Variants in PPP3CB observed in about 807,000 individuals in gnomAD.
PPP3CB encodes the protein protein phosphatase 3 catalytic subunit beta, also known as serine/threonine-protein phosphatase 2B catalytic subunit beta isoform.
In PPP3CB, 8 loss-of-function variants were observed where a neutral mutation model predicts 66.4. The observed-to-expected ratio is 0.12, with a 90% confidence interval of 0.07 to 0.22. The LOEUF is 0.22. Ranked by LOEUF, PPP3CB falls within the 10% of genes least tolerant of loss-of-function variation. The pLI is 1.00. For synonymous variants in PPP3CB, 208 were observed against 221.2 expected (o/e 0.94, Z 0.53); for missense variants, 319 against 642.5 (o/e 0.50, Z 5.44).
chr10:73,443,747 G>T (rs4745715), intron 12 of PPP3CB: 6 of 152,122 alleles, frequency 3.9e-5, no homozygotes, highest in Non-Finnish European at 7.4e-5. Flanking sequence ...GCCAAAAAAA[G>T]TTTTTTAAGT....
At chr10:73,444,058 C>T (rs1004014174) in intron 12 of PPP3CB, 1 of 152,398 alleles carries the variant, frequency 6.6e-6, no homozygotes, top group African/African-American at 2.4e-5. Flanking sequence ...ATACAGCTAA[C>T]CTAAAGAAAG....
intron 8 of PPP3CB, among the ~76,000 whole-genome samples, chr10:73,468,894 A>G (rs1211970701): frequency 6.6e-6 from 1 of 152,208 alleles, no homozygotes; most frequent in Non-Finnish European, 1.5e-5. Context: ...GATCTTTTGT[A>G]AGGGATAAAA....
chr10:73,470,409 G>A (rs990514724), intron 8 of PPP3CB, among the ~76,000 whole-genome samples: 5 of 152,122 alleles, frequency 3.3e-5, no homozygotes, highest in Non-Finnish European at 7.4e-5. Flanking sequence ...AGAAAGGGGA[G>A]TTTGAGAAAA....
Position 73,467,693 on chromosome 10 carries a change from G to T in PPP3CB, c.983-15C>A. 1 of 1,524,392 alleles carries T rather than the reference G, an allele frequency of 6.6e-7. No homozygotes were observed. The highest frequency in any genetic ancestry group is 1.2e-5 in the South Asian group (1 of 81,496). 94.4% of individuals were successfully genotyped at this position (1,524,392 alleles called of 1,614,324 possible). A position where few individuals can be genotyped will look rare whatever the true frequency, so the allele number is the denominator to read the frequency against. On this transcript the variant is annotated splice_polypyrimidine_tract_variant and intron_variant, in intron 8 of 13. Coordinates refer to ENST00000360663, the MANE Select transcript of PPP3CB (RefSeq NM_021132.4). ...TAATACAGCAGCTGCAAGATAAGTT[G>T]AACATCAATAACTTAATAGATAAGT...
intron 10 of PPP3CB, among the ~76,000 whole-genome samples, chr10:73,452,028 G>T (rs1238420824): frequency 6.6e-6 from 1 of 151,282 alleles, no homozygotes; most frequent in African/African-American, 2.4e-5. Context: ...TTACAGGCGT[G>T]AGCCACCACA....
intron 9 of PPP3CB, among the ~76,000 whole-genome samples, chr10:73,455,912 A>G (rs535793586): frequency 2.6e-5 from 4 of 152,264 alleles, no homozygotes; most frequent in African/African-American, 7.2e-5. Context: ...TGTTTCCCCT[A>G]CTAGAATGAA....
intron 9 of PPP3CB, among the ~76,000 whole-genome samples, chr10:73,462,020 A>G (rs2056529307): frequency 6.6e-6 from 1 of 152,066 alleles, no homozygotes; most frequent in African/African-American, 2.4e-5. Flanking sequence ...CACCACGTGA[A>G]GTGCCTGCTC....
At position 73,479,450 on chromosome 10, in the gene PPP3CB, C is replaced by T. The variant is rs1214922517; in HGVS notation, c.153G>A (p.Arg51=). 8 of 1,614,092 alleles carry T rather than the reference C, an allele frequency of 5.0e-6. No individual in the cohort carries two copies. Among genetic ancestry groups the T allele is most frequent in the Non-Finnish European group, 6.8e-6 (8 of 1,179,990 alleles). The change falls in exon 2 of 14, where the codon AGG becomes AGA. Residue 51 remains arginine (R), a synonymous_variant. Transcript: ENST00000360663. The stretch of plus-strand genomic sequence containing the variant: ...CCAAGTGGTTCTTCAGAACATCAAC[C>T]CTGGGTATCCCATCCAAATCAAATA... The part of the protein sequence containing the change: ...EEVFDLDGIP[R]VDVLKNHLVK...
chr10:73,484,340 G>A (rs1384192221), intron 1 of PPP3CB, among the ~76,000 whole-genome samples: 1 of 151,498 alleles, frequency 6.6e-6, no homozygotes, highest in Non-Finnish European at 1.5e-5. Context: ...CGCAATCTCT[G>A]CTCACTGCAA....
intron 1 of PPP3CB, among the ~76,000 whole-genome samples, chr10:73,480,549 A>G (rs1338874122): frequency 1.4e-5 from 2 of 143,058 alleles, no homozygotes; most frequent in Non-Finnish European, 3.0e-5. Flanking sequence ...GGTTCAAGGG[A>G]TTCTCCTGCC....
At chr10:73,495,711 T>C in intron 1 of PPP3CB, 94 bp downstream of exon 1, 1 of 1,469,482 alleles carries the variant, frequency 6.8e-7, no homozygotes, top group Admixed American at 2.1e-5. Flanking sequence ...TCGCCCGCCC[T>C]TCCGGGCCCA....
At chr10:73,448,289 A>C (rs1310905040) in intron 10 of PPP3CB, among the ~76,000 whole-genome samples, 1 of 152,194 alleles carries the variant, frequency 6.6e-6, no homozygotes, top group East Asian at 1.9e-4. Context: ...CAGGATTTTA[A>C]ATCAGTCTAC....
At chr10:73,461,037 G>A (rs898102230) in intron 9 of PPP3CB, among the ~76,000 whole-genome samples, 8 of 152,362 alleles carry the variant, frequency 5.3e-5, no homozygotes, top group African/African-American at 1.4e-4. Context: ...CTCCAGAATG[G>A]CAGAGCCACC....
intron 1 of PPP3CB, among the ~76,000 whole-genome samples, chr10:73,488,437 C>T (rs894092242): frequency 2.6e-5 from 4 of 151,242 alleles, no homozygotes; most frequent in Admixed American, 1.3e-4. Flanking sequence ...GTCCCAGCTA[C>T]TTGGGAGGCT....
chr10:73,453,596 C>T (rs1465761440), intron 10 of PPP3CB, among the ~76,000 whole-genome samples: 3 of 152,032 alleles, frequency 2.0e-5, no homozygotes, highest in African/African-American at 4.8e-5. Context: ...CTTAGAAATA[C>T]GTAGCTATTA....
Position 73,467,811 on chromosome 10 carries a change from G to A in PPP3CB, c.983-133C>T, listed in dbSNP as rs12243450. The A allele has an allele frequency of 3.9e-3, 2,898 of 749,336 alleles. 59 individuals are homozygous for A. In the African/African-American group the frequency reaches 0.045, roughly 12 times the overall value. 46.4% of individuals were successfully genotyped at this position (749,336 alleles called of 1,614,324 possible). ...ATCGGGGGTGAGTGGAATCAGGGCT[G>A]GTAGAGGGAGGAAGGAACTAATTTT... is the stretch of plus-strand genomic sequence containing the variant. On this transcript the variant is annotated intron_variant, in intron 8 of 13. Transcript: ENST00000360663.
At chr10:73,454,895 T>TG (rs1320820584) in intron 9 of PPP3CB, among the ~76,000 whole-genome samples, 14 of 151,530 alleles carry the variant, frequency 9.2e-5, no homozygotes, top group Admixed American at 5.3e-4. Context: ...TTTTTGGAGA[T>TG]GGAGTCTTGC....
rs978444629 is a variant in PPP3CB at position 73,437,302 on chromosome 10, T to C, written c.*940A>G. On this transcript the variant is annotated 3_prime_UTR_variant, in exon 14 of 14. Transcript: ENST00000360663. Reference sequence around the variant, plus strand: ...TCACCCTGGTGGCTCTCTAAGCAACTTGAGTACTCACAATAAACTAAAATT... The same window carrying C: ...TCACCCTGGTGGCTCTCTAAGCAACCTGAGTACTCACAATAAACTAAAATT... 2.0e-5 allele frequency: 3 copies of C among 152,652 alleles called. No homozygotes were observed. Among genetic ancestry groups the C allele is most frequent in the African/African-American group, 7.2e-5 (3 of 41,450 alleles). 9.5% of individuals were successfully genotyped at this position (152,652 alleles called of 1,614,324 possible). A position where few individuals can be genotyped will look rare whatever the true frequency, so the allele number is the denominator to read the frequency against.
At chr10:73,494,459 T>TA (rs1257630609) in intron 1 of PPP3CB, among the ~76,000 whole-genome samples, 1 of 151,998 alleles carries the variant, frequency 6.6e-6, no homozygotes, top group Non-Finnish European at 1.5e-5. Context: ...GGCTAATTTT[T>TA]ATTTTTTGTA....
Sources: gnomAD v4.1 joint callset for allele counts (sites outside exome capture counted in the v4.1 genomes callset) on GRCh38, gnomAD v4.1.1 for gene constraint, MANE v1.5 for transcripts, NCBI Gene and HGNC (gene_info 2026-07-23, HGNC 2026-07-21) for gene names.